Variants in CD4 observed in about 807,000 individuals in gnomAD.
CD4 encodes the protein T-cell surface glycoprotein CD4.
A neutral mutation model predicts 50.5 loss-of-function variants in CD4; 25 were observed. The ratio of observed to expected loss-of-function variants is 0.49; its 90% CI spans 0.36 to 0.69. CD4 has a LOEUF of 0.69. Among genes scored for constraint, CD4 ranks in the 30% least tolerant of loss-of-function variants. CD4 has a pLI of 0.00. For missense variants in CD4, 456 were observed against 548.5 expected (o/e 0.83, Z 1.68); for synonymous variants, 207 against 221.9 (o/e 0.93, Z 0.60).
In CD4 at chr12:6,814,742, G is replaced by A. The variant is rs201346195; in HGVS notation, c.374-17G>A. 263 of 1,584,982 alleles carry A rather than the reference G, an allele frequency of 1.7e-4. No homozygotes were observed. Among genetic ancestry groups the A allele is most frequent in the Non-Finnish European group, 2.2e-4 (256 of 1,153,862 alleles). On this transcript the variant is annotated splice_polypyrimidine_tract_variant and intron_variant, in intron 4 of 9. Coordinates refer to ENST00000011653, the MANE Select transcript of CD4 (RefSeq NM_000616.5). ...GGGATGGTATGTGTGTGACACAGCT[G>A]GCCTTTCCCTCCACAGTGACTGCCA...
At chr12:6,809,289 A>T (rs1942862195) in intron 3 of CD4, among the ~76,000 whole-genome samples, 1 of 152,088 alleles carries the variant, frequency 6.6e-6, no homozygotes, top group South Asian at 2.1e-4. Flanking sequence ...TGACCTGAGG[A>T]TTTCGAGACC....
intron 9 of CD4, among the ~76,000 whole-genome samples, 184 bp downstream of exon 9, chr12:6,819,098 G>C (rs1943201808): frequency 6.6e-6 from 1 of 151,754 alleles, no homozygotes; most frequent in Admixed American, 6.6e-5. Context: ...GTGGTGGAGA[G>C]GATAGAGGGG....
Position 6,800,380 on chromosome 12 carries a change from T to C in CD4, c.123T>C (p.Cys41=). 2 of 1,614,036 alleles carry C rather than the reference T, an allele frequency of 1.2e-6. No individual in the cohort carries two copies. Among genetic ancestry groups the C allele is most frequent in the Non-Finnish European group, 1.7e-6 (2 of 1,179,960 alleles). Residue 41 remains cysteine (C), a synonymous_variant, in exon 3 of 10, where the codon TGT becomes TGC. Transcript: ENST00000011653. The stretch of plus-strand genomic sequence containing the variant: ...AAGGGGATACAGTGGAACTGACCTG[T>C]ACAGCTTCCCAGAAGAAGAGCATAC... ...GKKGDTVELT[C]TASQKKSIQF...
chr12:6,796,591 A>T (rs1332217501), intron 1 of CD4, among the ~76,000 whole-genome samples: 4 of 152,074 alleles, frequency 2.6e-5, no homozygotes, highest in Non-Finnish European at 2.9e-5. Context: ...TCTGGTCCCC[A>T]GTTACCACAT....
chr12:6,819,183 G>A, intron 9 of CD4, 116 bp from the exon 10 acceptor site: 1 of 1,032,314 alleles, frequency 9.7e-7, no homozygotes, highest in Non-Finnish European at 1.5e-6. Context: ...GGCCAGGAAA[G>A]GCCCTGCTGG....
chr12:6,791,309 C>G (rs1942153253), intron 1 of CD4, among the ~76,000 whole-genome samples: 1 of 152,192 alleles, frequency 6.6e-6, no homozygotes. Context: ...ATGACGTGAT[C>G]TCCACTCACT....
In CD4 at chr12:6,818,199, A is replaced by C. The variant is rs781790335; in HGVS notation, c.1157-222A>C. ...CTCACACACACAGCCCAGGAGCCAG[A>C]CCACAGCTTCTCTCTCTCCAGAGTG... On this transcript the variant is annotated intron_variant, in intron 7 of 9. Transcript: ENST00000011653. This position sits in a 1 kb window ranked among gnomAD's most constrained non-coding sequence, Gnocchi z 5.0. 6.6e-6 allele frequency among the ~76,000 whole-genome samples: 1 copy of C among 152,202 alleles called. No homozygotes were observed. Among genetic ancestry groups the C allele is most frequent in the Non-Finnish European group, 1.5e-5 (1 of 68,030 alleles).
intron 3 of CD4, among the ~76,000 whole-genome samples, chr12:6,809,916 GTC>G (rs59225160): frequency 0.12 from 16,854 of 142,154 alleles, 2,040 homozygotes; most frequent in African/African-American, 0.31. Flanking sequence ...TTGAGATGGA[GTC>G]TCTCTCTCTC....
intron 3 of CD4, among the ~76,000 whole-genome samples, chr12:6,804,532 G>T (rs1446414499): frequency 6.6e-6 from 1 of 152,126 alleles, no homozygotes; most frequent in Non-Finnish European, 1.5e-5. Context: ...CTATATATTA[G>T]CAAGGAACAT....
chr12:6,812,572 G>C (rs782485972), intron 3 of CD4, among the ~76,000 whole-genome samples: 3 of 151,940 alleles, frequency 2.0e-5, no homozygotes, highest in African/African-American at 7.3e-5. Context: ...TCAGCTACTC[G>C]GGAGGCAGAG....
At position 6,818,525 on chromosome 12, in the gene CD4, AGGTGCC is replaced by A; in HGVS notation, c.1264_1269del (p.Cys422_Arg423del). 2 of 1,612,902 alleles carry A rather than the reference AGGTGCC, an allele frequency of 1.2e-6. No homozygotes were observed. Among genetic ancestry groups the A allele is most frequent in the Non-Finnish European group, 1.7e-6 (2 of 1,180,002 alleles). On this transcript the variant is annotated inframe_deletion, in exon 8 of 10. Transcript: ENST00000011653. The surrounding 1 kb of genome is among the most constrained non-coding windows in gnomAD (Gnocchi z 5.0). Reference sequence around the variant, plus strand: ...TGGGCTAGGCATCTTCTTCTGTGTCAGGTGCCGGCACCGAAGGGTGAGTAACCCCAC... The same window carrying A: ...TGGGCTAGGCATCTTCTTCTGTGTCAGGCACCGAAGGGTGAGTAACCCCAC...
At chr12:6,791,485 C>T (rs377114331) in intron 1 of CD4, among the ~76,000 whole-genome samples, 62 of 152,308 alleles carry the variant, frequency 4.1e-4, no homozygotes, top group African/African-American at 1.2e-3. Context: ...TCAAATGATC[C>T]GCCCGCCTTG....
At chr12:6,803,716 C>T (rs1019960933) in intron 3 of CD4, among the ~76,000 whole-genome samples, 5 of 151,640 alleles carry the variant, frequency 3.3e-5, no homozygotes, top group South Asian at 2.1e-4. Flanking sequence ...ACCCAGGAGG[C>T]GGAGGTCGCA....
chr12:6,794,789 T>G (rs1216099149), intron 1 of CD4, among the ~76,000 whole-genome samples: 31 of 125,128 alleles, frequency 2.5e-4, no homozygotes, highest in African/African-American at 7.5e-4. Flanking sequence ...TTTTTTTGTT[T>G]TTTTTTTTTT....
chr12:6,793,485 T>G (rs558608562), intron 1 of CD4, among the ~76,000 whole-genome samples: 19 of 152,286 alleles, frequency 1.2e-4, no homozygotes, highest in African/African-American at 4.6e-4. Flanking sequence ...CCTATTCTAC[T>G]CTTCTCACTG....
rs200664387 is a variant in CD4 at position 6,819,716 on chromosome 12, C to T, written c.*387C>T. 9 of 218,674 alleles carry T rather than the reference C, an allele frequency of 4.1e-5. No homozygotes were observed. The highest frequency in any genetic ancestry group is 7.3e-5 in the Non-Finnish European group (8 of 110,002). The allele number at this position is 218,674 out of a possible 1,614,324, so 13.5% of individuals were successfully genotyped here. ...GGGACTGTTCTTTTACAAGACAGGA[C>T]CCTGGGACCACAGAGGGCAGGAACT... On this transcript the variant is annotated 3_prime_UTR_variant, in exon 10 of 10. Transcript: ENST00000011653.
At chr12:6,814,566 G>A in intron 4 of CD4, 193 bp from the exon 5 acceptor site, 1 of 684,582 alleles carries the variant, frequency 1.5e-6, no homozygotes, top group South Asian at 1.6e-5. Flanking sequence ...AAGAGAGGAT[G>A]AGGGGAGAGG....
chr12:6,797,742 C>T (rs746012828), intron 1 of CD4, among the ~76,000 whole-genome samples: 6 of 152,188 alleles, frequency 3.9e-5, no homozygotes, highest in Non-Finnish European at 7.4e-5. Context: ...TTTAACTTTA[C>T]ACAAACATCT....
intron 1 of CD4, among the ~76,000 whole-genome samples, chr12:6,793,525 A>G (rs944462364): frequency 6.6e-6 from 1 of 152,096 alleles, no homozygotes; most frequent in Non-Finnish European, 1.5e-5. Context: ...TCCCATCTGC[A>G]TGCTAACCTG....
Sources: gnomAD v4.1 joint callset for allele counts (sites outside exome capture counted in the v4.1 genomes callset) on GRCh38, gnomAD v4.1.1 for gene constraint, Gnocchi (gnomAD v3.1) non-coding constraint, MANE v1.5 for transcripts, NCBI Gene and HGNC (gene_info 2026-07-23, HGNC 2026-07-21) for gene names.